GHR: variants seen among roughly 807,000 people sequenced by gnomAD.
The protein encoded by GHR is GH receptor.
GHR carries 35 observed loss-of-function variants against 67.1 expected under a neutral mutation model. The ratio of observed to expected loss-of-function variants is 0.52; its 90% confidence interval spans 0.40 to 0.69. The LOEUF (loss-of-function observed/expected upper bound fraction) is 0.69. Among genes scored for constraint, GHR ranks in the 30% least tolerant of loss-of-function variants. The pLI is 0.00. For synonymous variants in GHR, 272 were observed against 269.1 expected (o/e 1.01, Z -0.10); for missense variants, 792 against 764.6 (o/e 1.04, Z -0.42).
intron 1 of GHR, among the ~76,000 whole-genome samples, chr5:42,518,398 G>C (rs1747334441): frequency 6.6e-6 from 1 of 151,986 alleles, no homozygotes; most frequent in Non-Finnish European, 1.5e-5. Flanking sequence ...TTCTCCTTTT[G>C]GTATGGAAGA....
At chr5:42,466,566 T>C (rs1179262054) in intron 1 of GHR, among the ~76,000 whole-genome samples, 7 of 152,098 alleles carry the variant, frequency 4.6e-5, no homozygotes, top group Non-Finnish European at 8.8e-5. Flanking sequence ...AAAAACAAAA[T>C]TAAGCAAAAA....
At chr5:42,621,250 G>A (rs1219700291) in intron 2 of GHR, among the ~76,000 whole-genome samples, 1 of 152,090 alleles carries the variant, frequency 6.6e-6, no homozygotes, top group African/African-American at 2.4e-5. Context: ...CAGGCCAGCT[G>A]AGAGCCAGCA....
rs1007038525 is a variant in GHR, at chr5:42,707,546, C to A, written c.619-3661C>A. 5.9e-5 allele frequency among the ~76,000 whole-genome samples: 9 copies of A among 151,532 alleles called. No homozygotes were observed. In the East Asian group the frequency reaches 1.8e-3, roughly 30 times the overall value. ...CACTGAATGTGTAGATTGGCTTGGG[C>A]AGTATGGTCATCTTAACAATATTGA... On this transcript the variant is annotated intron_variant, in intron 6 of 9. Transcript: ENST00000230882.
intron 2 of GHR, among the ~76,000 whole-genome samples, chr5:42,572,210 A>G (rs987798226): frequency 3.3e-5 from 5 of 152,166 alleles, no homozygotes; most frequent in African/African-American, 1.2e-4. Context: ...CAGGGTCATC[A>G]ATAAAGACAT....
At chr5:42,479,674 A>G (rs941937303) in intron 1 of GHR, among the ~76,000 whole-genome samples, 12 of 151,928 alleles carry the variant, frequency 7.9e-5, no homozygotes, top group African/African-American at 2.7e-4. Flanking sequence ...TATTTGCGTA[A>G]AGGTGTTTAT....
At chr5:42,640,768 G>GTGTC (rs1254518490) in intron 3 of GHR, among the ~76,000 whole-genome samples, 3 of 150,844 alleles carry the variant, frequency 2.0e-5, no homozygotes, top group African/African-American at 7.3e-5. Flanking sequence ...TATCATATAT[G>GTGTC]TGTGTGTGTG....
intron 2 of GHR, among the ~76,000 whole-genome samples, chr5:42,590,542 T>C (rs1050903928): frequency 6.6e-6 from 1 of 152,196 alleles, no homozygotes; most frequent in African/African-American, 2.4e-5. Context: ...CAAAAGCCAC[T>C]ATCCCCTTAA....
chr5:42,673,608 C>G (rs1448498589), intron 3 of GHR, among the ~76,000 whole-genome samples: 1 of 152,150 alleles, frequency 6.6e-6, no homozygotes, highest in African/African-American at 2.4e-5. Context: ...AGAATGAAAT[C>G]ATGTCCTTTG....
At chr5:42,478,725 T>C (rs1293876965) in intron 1 of GHR, among the ~76,000 whole-genome samples, 1 of 152,138 alleles carries the variant, frequency 6.6e-6, no homozygotes, top group Non-Finnish European at 1.5e-5. Flanking sequence ...GATTTTTGCA[T>C]ATTGATTTTG....
intron 1 of GHR, chr5:42,549,411 A>G (rs1231327008): frequency 6.6e-6 from 1 of 152,272 alleles, no homozygotes; most frequent in East Asian, 1.9e-4. Context: ...GAGAGAGATG[A>G]CAATATCACT....
intron 2 of GHR, among the ~76,000 whole-genome samples, chr5:42,581,021 G>GA (rs1444263584): frequency 1.3e-5 from 2 of 152,192 alleles, no homozygotes; most frequent in Non-Finnish European, 2.9e-5. Context: ...AGCACCAGCA[G>GA]AAAAGATGAG....
intron 1 of GHR, among the ~76,000 whole-genome samples, chr5:42,458,279 G>A (rs1163801467): frequency 2.0e-5 from 3 of 152,130 alleles, no homozygotes; most frequent in Non-Finnish European, 2.9e-5. Flanking sequence ...CACAAAAACA[G>A]ACACATAGAC....
intron 1 of GHR, among the ~76,000 whole-genome samples, chr5:42,480,709 C>G (rs564022617): frequency 1.3e-5 from 2 of 152,126 alleles, no homozygotes; most frequent in African/African-American, 4.8e-5. Flanking sequence ...AGGATTGCAA[C>G]CCCTGCCTTT....
intron 3 of GHR, among the ~76,000 whole-genome samples, chr5:42,655,466 G>GTGGTGACAT (rs1342863496): frequency 6.6e-6 from 1 of 152,116 alleles, no homozygotes; most frequent in South Asian, 2.1e-4. Context: ...TTGCTGCTCC[G>GTGGTGACAT]TGGTGACATT....
chr5:42,571,723 C>G (rs1011803785), intron 2 of GHR, among the ~76,000 whole-genome samples: 1 of 152,210 alleles, frequency 6.6e-6, no homozygotes, highest in African/African-American at 2.4e-5. Context: ...GAGTATATTT[C>G]TGGTCTTCCG....
intron 2 of GHR, among the ~76,000 whole-genome samples, chr5:42,595,168 T>C (rs1263592017): frequency 6.6e-6 from 1 of 152,216 alleles, no homozygotes; most frequent in Admixed American, 6.5e-5. Flanking sequence ...CTTAGTATTT[T>C]GTTACCCACC....
intron 3 of GHR, among the ~76,000 whole-genome samples, chr5:42,647,422 A>T (rs114930138): frequency 0.016 from 2,407 of 152,122 alleles, 22 homozygotes; most frequent in Middle Eastern, 0.051. Flanking sequence ...AAAATAAAAA[A>T]ATATAGCTGG....
chr5:42,637,400 T>C (rs1415873017), intron 3 of GHR, among the ~76,000 whole-genome samples: 2 of 152,142 alleles, frequency 1.3e-5, no homozygotes, highest in African/African-American at 4.8e-5. Context: ...AATAATCCCC[T>C]TACCCAGGTA....
chr5:42,524,890 C>T (rs1157862158), intron 1 of GHR, among the ~76,000 whole-genome samples: 2 of 152,212 alleles, frequency 1.3e-5, no homozygotes, highest in Non-Finnish European at 2.9e-5. Context: ...TGGTATTGAG[C>T]CTGTGGGTGC....
Sources: gnomAD v4.1 joint callset for allele counts (sites outside exome capture counted in the v4.1 genomes callset) on GRCh38, gnomAD v4.1.1 for gene constraint, MANE v1.5 for transcripts, NCBI Gene and HGNC (gene_info 2026-07-23, HGNC 2026-07-21) for gene names.